The following PATJ variants were observed in gnomAD, a reference collection of about 807,000 sequenced individuals.
The protein encoded by PATJ is inaD-like protein.
PATJ carries 190 observed loss-of-function variants against 224.9 expected under a neutral mutation model. That is an observed-to-expected ratio of 0.84 (90% CI 0.75 to 0.95). PATJ has a LOEUF of 0.95. Among genes scored for constraint, PATJ ranks in the 40% least tolerant of loss-of-function variants. The pLI is 0.00. For missense variants in PATJ, 2,121 were observed against 2,270.3 expected, an observed-to-expected ratio of 0.93 and a Z score of 1.34; for synonymous variants, 769 against 820.3, an observed-to-expected ratio of 0.94 and a Z score of 1.07.
At position 61,833,675 on chromosome 1, in the gene PATJ, A is replaced by C; in HGVS notation, c.2002A>C (p.Asn668His). 1.2e-6 allele frequency: 2 copies of C among 1,613,140 alleles called. No individual in the cohort carries two copies. Among genetic ancestry groups the C allele is most frequent in the South Asian group, 1.1e-5 (1 of 90,934 alleles). The change falls in exon 17 of 44, where the codon AAT becomes CAT. Residue 668 changes from asparagine (N) to histidine (H), a missense_variant. Transcript: ENST00000642238. ...ETEVDHNMDV[N>H]TEEDDDGELA... ...TCAGGTTGACCACAATATGGATGTC[A>C]ATACTGAAGAAGATGATGATGGGGA...
In PATJ at chr1:61,771,673, G is replaced by A. The variant is rs373436775; in HGVS notation, c.720+47G>A. On this transcript the variant is annotated intron_variant, in intron 6 of 43. Transcript: ENST00000642238. Reference sequence around the variant, plus strand: ...ATACTTAATTTTGAATAATGCCATTGATCGTAAGAAGTGTAAAGACATTTA... The same window carrying A: ...ATACTTAATTTTGAATAATGCCATTAATCGTAAGAAGTGTAAAGACATTTA... The A allele has an allele frequency of 1.1e-5, 15 of 1,339,724 alleles. No homozygotes were observed. In the African/African-American group the frequency reaches 2.3e-4, roughly 20 times the overall value. 83.0% of individuals were successfully genotyped at this position (1,339,724 alleles called of 1,614,324 possible).
intron 41 of PATJ, among the ~76,000 whole-genome samples, chr1:62,142,363 T>C (rs868790061): frequency 8.5e-5 from 13 of 152,218 alleles, no homozygotes; most frequent in Middle Eastern, 6.8e-3. Flanking sequence ...TTTTTTCTCC[T>C]TTAAGAACCC....
chr1:61,901,868 C>G (rs1437249000), intron 24 of PATJ, among the ~76,000 whole-genome samples: 1 of 152,068 alleles, frequency 6.6e-6, no homozygotes, highest in African/African-American at 2.4e-5. Flanking sequence ...GTTGAAGACT[C>G]TATTGGGTGA....
intron 27 of PATJ, among the ~76,000 whole-genome samples, chr1:61,940,877 GT>G (rs1677717110): frequency 6.6e-6 from 1 of 152,020 alleles, no homozygotes. Context: ...TATTAACACT[GT>G]TTACTGCTGG....
chr1:61,879,002 T>C (rs990988091), intron 21 of PATJ, among the ~76,000 whole-genome samples: 6 of 152,166 alleles, frequency 3.9e-5, no homozygotes, highest in Admixed American at 1.3e-4. Flanking sequence ...GCCAGGCTGG[T>C]CTTGAACTCC....
intron 27 of PATJ, among the ~76,000 whole-genome samples, chr1:61,934,129 T>G (rs1337188061): frequency 2.6e-5 from 4 of 151,786 alleles, no homozygotes; most frequent in Non-Finnish European, 5.9e-5. Flanking sequence ...TTGTTGTTAT[T>G]GTTGTTGAGA....
chr1:61,932,620 C>T (rs938493587), intron 27 of PATJ, among the ~76,000 whole-genome samples: 1 of 152,190 alleles, frequency 6.6e-6, no homozygotes, highest in African/African-American at 2.4e-5. Context: ...CTGTAGTGTG[C>T]GGGACGCAGG....
At chr1:62,002,743 G>T (rs561680556) in intron 28 of PATJ, among the ~76,000 whole-genome samples, 14 of 142,354 alleles carry the variant, frequency 9.8e-5, no homozygotes, top group Middle Eastern at 7.2e-3. Flanking sequence ...AAGAGAGAGA[G>T]AAACTGGAGT....
intron 30 of PATJ, among the ~76,000 whole-genome samples, chr1:62,047,902 C>T (rs1346044305): frequency 6.6e-6 from 1 of 152,056 alleles, no homozygotes; most frequent in African/African-American, 2.4e-5. Flanking sequence ...TTTAGAAAAT[C>T]CATGGTCTAT....
At chr1:61,785,699 T>C (rs1648355042) in intron 7 of PATJ, among the ~76,000 whole-genome samples, 1 of 152,192 alleles carries the variant, frequency 6.6e-6, no homozygotes, top group African/African-American at 2.4e-5. Flanking sequence ...GGAAAAATTT[T>C]GTAAAAATTA....
At chr1:62,001,778 A>T (rs541126815) in intron 28 of PATJ, among the ~76,000 whole-genome samples, 1 of 151,928 alleles carries the variant, frequency 6.6e-6, no homozygotes, top group Non-Finnish European at 1.5e-5. Flanking sequence ...CTTAGGCAGT[A>T]TGGCCATTTT....
At chr1:62,103,817 G>A (rs1662537803) in intron 33 of PATJ, among the ~76,000 whole-genome samples, 1 of 151,184 alleles carries the variant, frequency 6.6e-6, no homozygotes, top group African/African-American at 2.4e-5. Flanking sequence ...TGTACGTAAA[G>A]CCTTATTGGT....
chr1:62,158,268 G>A (rs1041930465), intron 43 of PATJ, among the ~76,000 whole-genome samples: 3 of 149,402 alleles, frequency 2.0e-5, no homozygotes, highest in Non-Finnish European at 4.5e-5. Flanking sequence ...AAGTAGGAGA[G>A]TAGATACATA....
rs59042999 is a variant in PATJ, at chr1:62,074,369, TA to T, written c.4126-5071del. Among the ~76,000 whole-genome samples, 850 of 150,032 alleles carry T rather than the reference TA, an allele frequency of 5.7e-3. 8 individuals carry two copies. Among genetic ancestry groups the T allele is most frequent in the African/African-American group, 0.019 (759 of 40,910 alleles). On this transcript the variant is annotated intron_variant, in intron 31 of 43. Coordinates refer to ENST00000642238, the MANE Select transcript of PATJ (RefSeq NM_001350145.3). The stretch of plus-strand genomic sequence containing the variant: ...ACTTAAAGTATAATAATAATAAAAT[TA>T]AAAAAAAAATAGATACAGAATGAAC...
intron 33 of PATJ, among the ~76,000 whole-genome samples, chr1:62,101,295 G>A (rs61777691): frequency 0.17 from 22,648 of 134,026 alleles, 2,004 homozygotes; most frequent in South Asian, 0.33. Flanking sequence ...ACAGAGTCTC[G>A]CTCTGTCACC....
chr1:61,867,321 C>T (rs76078802), intron 20 of PATJ, among the ~76,000 whole-genome samples: 9,135 of 152,264 alleles, frequency 0.06, 404 homozygotes, highest in Middle Eastern at 0.13. Context: ...AATGCATATT[C>T]TGATTACTAA....
In PATJ at chr1:62,086,949, G is replaced by A. The variant is rs776987355; in HGVS notation, c.4377+2301G>A. 9.9e-5 allele frequency among the ~76,000 whole-genome samples: 15 copies of A among 152,128 alleles called. No individual in the cohort carries two copies. The highest frequency in any genetic ancestry group is 1.8e-4 in the Non-Finnish European group (12 of 68,016). ...GAAGCCCCAGAGAGTGTGTTACAATGCTAACCTCCGTCGTCCGTGGACAGC... is the reference window on the plus strand; with the variant it reads ...GAAGCCCCAGAGAGTGTGTTACAATACTAACCTCCGTCGTCCGTGGACAGC... On this transcript the variant is annotated intron_variant, in intron 33 of 43. Coordinates refer to ENST00000642238, the MANE Select transcript of PATJ (RefSeq NM_001350145.3). This position sits in a 1 kb window ranked among gnomAD's most constrained non-coding sequence, Gnocchi z 4.0.
intron 42 of PATJ, among the ~76,000 whole-genome samples, chr1:62,150,917 C>T (rs561566840): frequency 2.6e-5 from 4 of 152,114 alleles, no homozygotes; most frequent in Admixed American, 2.0e-4. Context: ...CCGAGGTGGG[C>T]AGATCGCCTG....
In PATJ at chr1:61,769,355, A is replaced by G. The variant is rs61750905; in HGVS notation, c.457A>G (p.Arg153Gly). 1.8e-3 allele frequency: 2,830 copies of G among 1,614,100 alleles called. 34 individuals carry two copies. The African/African-American group carries it at 0.028, about 16-fold the overall frequency. The change falls in exon 5 of 44, where the codon AGA becomes GGA. Residue 153 changes from arginine (R) to glycine (G), a missense_variant. Arg to Gly is a moderately radical substitution (Grantham distance 125, BLOSUM62 -2). Coordinates refer to ENST00000642238, the MANE Select transcript of PATJ (RefSeq NM_001350145.3). ...GGLGFSVVAL[R>G]SQNLGKVDIF... ...CCTTGGATTCAGTGTGGTGGCCCTCAGAAGTCAAAATCTCGGAAAAGTTGA... is the reference window on the plus strand; with the variant it reads ...CCTTGGATTCAGTGTGGTGGCCCTCGGAAGTCAAAATCTCGGAAAAGTTGA...
Sources: gnomAD v4.1 joint callset for allele counts (sites outside exome capture counted in the v4.1 genomes callset) on GRCh38, gnomAD v4.1.1 for gene constraint, Gnocchi (gnomAD v3.1) non-coding constraint, MANE v1.5 for transcripts, NCBI Gene and HGNC (gene_info 2026-07-23, HGNC 2026-07-21) for gene names.